The following UHRF1 variants were observed in gnomAD, a reference collection of about 807,000 sequenced individuals.
UHRF1 encodes the protein ubiquitin like with PHD and ring finger domains 1, also known as E3 ubiquitin-protein ligase UHRF1.
UHRF1 carries 9 observed loss-of-function variants against 96.5 expected under a neutral mutation model. That is an observed-to-expected ratio of 0.09 (90% CI 0.06 to 0.16). The LOEUF is 0.16. Ranked by LOEUF, UHRF1 falls within the 10% of genes least tolerant of loss-of-function variation. The pLI, the probability that UHRF1 is intolerant of heterozygous loss-of-function variation, is 1.00. For missense variants in UHRF1, 626 were observed against 1,131.1 expected (o/e 0.55, Z 6.40); for synonymous variants, 455 against 469.9 (o/e 0.97, Z 0.41).
At position 4,954,285 on chromosome 19, in the gene UHRF1, G is replaced by A; in HGVS notation, c.1819-65G>A. On this transcript the variant is annotated intron_variant, in intron 13 of 16. Coordinates refer to ENST00000650932, the MANE Select transcript of UHRF1 (RefSeq NM_001048201.3). This position sits in a 1 kb window ranked among gnomAD's most constrained non-coding sequence, Gnocchi z 5.9. Reference sequence around the variant, plus strand: ...CCCAGACCTGGCAAGGAGGCTGGAAGAGCGGGCTCTGCATAGCGTGTGGGC... The same window carrying A: ...CCCAGACCTGGCAAGGAGGCTGGAAAAGCGGGCTCTGCATAGCGTGTGGGC... 2 of 1,575,252 alleles carry A rather than the reference G, an allele frequency of 1.3e-6. No individual in the cohort carries two copies. The highest frequency in any genetic ancestry group is 8.6e-7 in the Non-Finnish European group (1 of 1,160,760).
intron 2 of UHRF1, among the ~76,000 whole-genome samples, chr19:4,919,864 C>A (rs1298156022): frequency 6.6e-6 from 1 of 151,698 alleles, no homozygotes; most frequent in African/African-American, 2.4e-5. Context: ...GTTGCCCAAG[C>A]TGGAGTGCAG....
intron 2 of UHRF1, among the ~76,000 whole-genome samples, chr19:4,919,410 C>T (rs914367466): frequency 4.0e-5 from 6 of 151,750 alleles, no homozygotes; most frequent in African/African-American, 1.5e-4. Flanking sequence ...TCATGCCATT[C>T]TCCTGCCTCA....
rs758261411 is a variant in UHRF1 at position 4,956,829 on chromosome 19, C to T, written c.2235+16C>T. ...CGTGTGCAAGGTGAGTAGAGATGGCCGCGGGAGCCGGGTGGAAGGTTCTGG... is the reference window on the plus strand; with the variant it reads ...CGTGTGCAAGGTGAGTAGAGATGGCTGCGGGAGCCGGGTGGAAGGTTCTGG... On this transcript the variant is annotated intron_variant, in intron 16 of 16. Coordinates refer to ENST00000650932, the MANE Select transcript of UHRF1 (RefSeq NM_001048201.3). The T allele has an allele frequency of 2.5e-5, 39 of 1,574,974 alleles. No homozygotes were observed. The highest frequency in any genetic ancestry group is 9.1e-5 in the Admixed American group (5 of 55,100).
In UHRF1 at chr19:4,929,428, G is replaced by A; in HGVS notation, c.360G>A (p.Arg120=). 6.2e-7 allele frequency: 1 copy of A among 1,613,516 alleles called. No homozygotes were observed. ...HGEAAAETDS[R]PADEDMWDET... is the part of the protein sequence containing the mutation. ...AGGCGGCCGCCGAGACTGACAGCAG[G>A]CCAGCCGATGAGGACATGTGGGATG... The change falls in exon 3 of 17, where the codon AGG becomes AGA. Residue 120 remains arginine (R), a synonymous_variant. Transcript: ENST00000650932.
chr19:4,941,782 C>A lies in UHRF1; in HGVS notation c.924C>A (p.Asp308Glu). 1 of 1,568,906 alleles carries A rather than the reference C, an allele frequency of 6.4e-7. No homozygotes were observed. The highest frequency in any genetic ancestry group is 8.6e-7 in the Non-Finnish European group (1 of 1,157,522). ...CGTCCTGCAAGCACTGCAAGGACGA[C>A]GTGAACAGACTCTGCCGGGTCTGCG... is the stretch of plus-strand genomic sequence containing the variant. ...SGPSCKHCKD[D>E]VNRLCRVCAC... is the part of the protein sequence containing the mutation. The change falls in exon 7 of 17, where the codon GAC becomes GAA. Residue 308 changes from aspartate (D) to glutamate (E), a missense_variant. Transcript: ENST00000650932.
intron 7 of UHRF1, among the ~76,000 whole-genome samples, chr19:4,943,856 G>A (rs1188977952): frequency 6.6e-6 from 1 of 152,134 alleles, no homozygotes; most frequent in African/African-American, 2.4e-5. Flanking sequence ...TCACCGTGTT[G>A]GCCAGGCTGG....
intron 4 of UHRF1, among the ~76,000 whole-genome samples, chr19:4,931,927 A>ATTTTTG (rs1263352877): frequency 2.0e-5 from 3 of 151,042 alleles, no homozygotes; most frequent in Non-Finnish European, 4.4e-5. Context: ...CGCCCAGCTA[A>ATTTTTG]TTTTTGTTTT....
chr19:4,961,802 A>G lies in UHRF1; in HGVS notation c.*999A>G, dbSNP rs2033992793. 6.6e-6 allele frequency: 1 copy of G among 152,068 alleles called. No individual in the cohort carries two copies. The highest frequency in any genetic ancestry group is 1.5e-5 in the Non-Finnish European group (1 of 68,036). 9.4% of individuals were successfully genotyped at this position (152,068 alleles called of 1,614,324 possible). A position where few individuals can be genotyped will look rare whatever the true frequency, so the allele number is the denominator to read the frequency against. On this transcript the variant is annotated 3_prime_UTR_variant, in exon 17 of 17. Transcript: ENST00000650932. Reference sequence around the variant, plus strand: ...TTAAAATTTTTTTTTCTCTTAATGAACACATTTTCTAAATGAATTTTTTTT... The same window carrying G: ...TTAAAATTTTTTTTTCTCTTAATGAGCACATTTTCTAAATGAATTTTTTTT...
At chr19:4,943,500 C>T in intron 7 of UHRF1, among the ~76,000 whole-genome samples, 1 of 140,118 alleles carries the variant, frequency 7.1e-6, no homozygotes, top group African/African-American at 2.9e-5. Context: ...GCCCTGCCCC[C>T]CCTCCCCACA....
intron 2 of UHRF1, among the ~76,000 whole-genome samples, chr19:4,926,185 C>T (rs1342327970): frequency 4.6e-5 from 7 of 152,234 alleles, no homozygotes; most frequent in Non-Finnish European, 8.8e-5. Context: ...TGAGCCACCG[C>T]ACCCAGCCTC....
In UHRF1 at chr19:4,930,735, C is replaced by T; in HGVS notation, c.428C>T (p.Ala143Val). The T allele has an allele frequency of 1.2e-6, 2 of 1,613,876 alleles. No homozygotes were observed. The highest frequency in any genetic ancestry group is 1.7e-6 in the Non-Finnish European group (2 of 1,179,866). ...GLYKVNEYVD[A>V]RDTNMGAWFE... ...TCACAGGTCAATGAGTACGTCGATGCTCGGGACACGAACATGGGGGCGTGG... is the reference window on the plus strand; with the variant it reads ...TCACAGGTCAATGAGTACGTCGATGTTCGGGACACGAACATGGGGGCGTGG... Residue 143 changes from alanine to valine, a missense_variant, in exon 4 of 17, where the codon GCT becomes GTT. Around this residue, in one of 11 missense-constraint regions of UHRF1, gnomAD observed 11 missense variants for 38.1 expected, o/e 0.29. Coordinates refer to ENST00000650932, the MANE Select transcript of UHRF1 (RefSeq NM_001048201.3). The surrounding 1 kb of genome is among the most constrained non-coding windows in gnomAD (Gnocchi z 4.4).
intron 10 of UHRF1, 47 bp from the exon 11 acceptor site, chr19:4,947,058 T>A: frequency 6.8e-7 from 1 of 1,460,112 alleles, no homozygotes; most frequent in East Asian, 2.3e-5. Flanking sequence ...CTCTTTTTTT[T>A]TTTTTGCCTC....
Position 4,955,274 on chromosome 19 carries a change from G to T in UHRF1, c.2130+452G>T, listed in dbSNP as rs371075456. 1.0e-3 allele frequency among the ~76,000 whole-genome samples: 159 copies of T among 152,258 alleles called. 3 individuals are homozygous for T. The South Asian group carries it at 0.03, about 29-fold the overall frequency. On this transcript the variant is annotated intron_variant, in intron 15 of 16. Transcript: ENST00000650932. Reference sequence around the variant, plus strand: ...GGCAGGGATAGGGCTGGGCCCTCCTGGGGGCTCCAGGGGAGAACCAGATTT... The same window carrying T: ...GGCAGGGATAGGGCTGGGCCCTCCTTGGGGCTCCAGGGGAGAACCAGATTT...
chr19:4,924,117 C>T (rs768214734), intron 2 of UHRF1, among the ~76,000 whole-genome samples: 2 of 152,182 alleles, frequency 1.3e-5, no homozygotes, highest in Non-Finnish European at 2.9e-5. Flanking sequence ...CAGGCACTAA[C>T]CACCATGCCT....
chr19:4,938,729 G>GTTTTT (rs1568421911), intron 5 of UHRF1, among the ~76,000 whole-genome samples: 3 of 73,940 alleles, frequency 4.1e-5, no homozygotes, highest in South Asian at 9.7e-4. Context: ...GTTTTGGTCA[G>GTTTTT]GTTTTTTTTT....
chr19:4,954,611 G>T lies in UHRF1; in HGVS notation c.1958-39G>T. On this transcript the variant is annotated intron_variant, in intron 14 of 16. Transcript: ENST00000650932. This position sits in a 1 kb window ranked among gnomAD's most constrained non-coding sequence, Gnocchi z 5.9. ...GGTGGCTGTCTCTCCGGCAGCTCGG[G>T]CCACGCGCCCCTCCCTCACGCGCCC... The T allele has an allele frequency of 8.1e-6, 13 of 1,604,034 alleles. No individual in the cohort carries two copies. The highest frequency in any genetic ancestry group is 1.1e-5 in the Non-Finnish European group (13 of 1,174,888).
At chr19:4,909,013 T>G (rs971110018), upstream of UHRF1, among the ~76,000 whole-genome samples, 3 of 151,496 alleles carry the variant, frequency 2.0e-5, no homozygotes, top group Non-Finnish European at 4.4e-5. Context: ...GTGGGTAGAG[T>G]GGGGAGCCCT....
At chr19:4,924,311 G>A (rs2032799372) in intron 2 of UHRF1, among the ~76,000 whole-genome samples, 1 of 152,056 alleles carries the variant, frequency 6.6e-6, no homozygotes, top group Non-Finnish European at 1.5e-5. Context: ...CACCACGCCT[G>A]GCTAATTTTT....
chr19:4,953,011 T>G (rs2033759292), intron 13 of UHRF1, among the ~76,000 whole-genome samples: 1 of 152,146 alleles, frequency 6.6e-6, no homozygotes, highest in South Asian at 2.1e-4. Context: ...AGCAAAAGTT[T>G]GCCTGCCCTC....
Sources: allele counts gnomAD v4.1 joint callset (sites outside exome capture counted in the v4.1 genomes callset), GRCh38; gene constraint gnomAD v4.1.1; regional missense constraint gnomAD v4.1.1; non-coding constraint Gnocchi (gnomAD v3.1); transcripts MANE v1.5; gene names NCBI Gene and HGNC (gene_info 2026-07-23, HGNC 2026-07-21).